Variants in TPCN2 observed in about 807,000 individuals in gnomAD.
The protein encoded by TPCN2 is two pore channel protein 2.
Under a neutral mutation model 111.4 loss-of-function variants are expected in TPCN2, and 92 were observed. The observed-to-expected ratio is 0.83, with a 90% CI of 0.70 to 0.98. The LOEUF (loss-of-function observed/expected upper bound fraction) is 0.98. Among genes scored for constraint, TPCN2 ranks in the 50% least tolerant of loss-of-function variants. The pLI is 0.00. For synonymous variants in TPCN2, 405 were observed against 414.5 expected (o/e 0.98, Z 0.28); for missense variants, 995 against 980.1 (o/e 1.02, Z -0.20).
intron 8 of TPCN2, among the ~76,000 whole-genome samples, chr11:69,069,827 G>C (rs1050284914): frequency 1.1e-4 from 16 of 141,636 alleles, no homozygotes; most frequent in Non-Finnish European, 3.1e-5. Flanking sequence ...ACTGCAGGGG[G>C]AGCAGGACTG....
chr11:69,070,827 CCACCAGCAGCTTCACCCCAGGGATCCCT>C (rs1855494314), intron 9 of TPCN2, among the ~76,000 whole-genome samples: 1 of 147,456 alleles, frequency 6.8e-6, no homozygotes, highest in Non-Finnish European at 1.5e-5. Context: ...CAGGGATCTC[CCACCAGCAGCTTCACCCCAGGGATCCCT>C]CACCAACAGC....
At chr11:69,084,168 A>G (rs1036579949) in intron 19 of TPCN2, 152 bp downstream of exon 19, 16 of 791,118 alleles carry the variant, frequency 2.0e-5, no homozygotes, top group East Asian at 1.6e-4. Context: ...AGGGAAGTAC[A>G]GGGTCGGGGT....
rs1856348852 is a variant in TPCN2, at chr11:69,087,896, G to A, written c.2202G>A (p.Gly734=). The change falls in exon 25 of 25, where the codon GGG becomes GGA. Residue 734 remains glycine, a synonymous_variant. Transcript: ENST00000294309. ...ACAGGGATATTCTGGAGGAGCCCGG[G>A]GAGGATGAGCTCACAGAGAGGCTGA... is the stretch of plus-strand genomic sequence containing the variant. ...LLFRDILEEP[G]EDELTERLSQ... 2 of 1,612,724 alleles carry A rather than the reference G, an allele frequency of 1.2e-6. No individual in the cohort carries two copies. The highest frequency in any genetic ancestry group is 1.3e-5 in the African/African-American group (1 of 75,030).
In TPCN2 at chr11:69,055,185, T is replaced by C; in HGVS notation, c.262T>C (p.Phe88Leu). The stretch of plus-strand genomic sequence containing the variant: ...CTGTCCCCTTTCCAGGACTTTGAGC[T>C]TCACCATCTTCTTGATCCTGTTTTT... ...YSNVCQRTLSFTIFLILFLAF... is the reference protein window; with the variant it reads ...YSNVCQRTLSLTIFLILFLAF... The change falls in exon 4 of 25, where the codon TTC (phenylalanine) becomes CTC (leucine). Residue 88 changes from phenylalanine (F) to leucine (L), a missense_variant. Physicochemically the swap from Phe to Leu is conservative, Grantham distance 22. Transcript: ENST00000294309. 6.2e-7 allele frequency: 1 copy of C among 1,614,084 alleles called. No homozygotes were observed. Among genetic ancestry groups the C allele is most frequent in the South Asian group, 1.1e-5 (1 of 91,066 alleles).
At chr11:69,054,342 T>C in intron 2 of TPCN2, 2 of 575,422 alleles carry the variant, frequency 3.5e-6, no homozygotes, top group South Asian at 4.1e-5. Context: ...CACCCCATTC[T>C]AGGTCCCGGG....
intron 7 of TPCN2, among the ~76,000 whole-genome samples, 181 bp from the exon 8 acceptor site, chr11:69,067,322 T>C (rs1855315714): frequency 6.6e-6 from 1 of 152,232 alleles, no homozygotes. Context: ...GTGCCCACTC[T>C]TGCGCCCGGA....
chr11:69,087,765 G>A (rs1551305), intron 24 of TPCN2, 110 bp from the exon 25 acceptor site: 346,630 of 780,160 alleles, frequency 0.44, 79,865 homozygotes, highest in Non-Finnish European at 0.49. Flanking sequence ...CTGTGTCCCT[G>A]TGACACTCAC....
In TPCN2 at chr11:69,071,341, T is replaced by C; in HGVS notation, c.896-15T>C. Reference sequence around the variant, plus strand: ...TACTGGTGGCGCCCCTGACCGTGGCTGTCTCCTCTTGAAGGAAGCCTGTTT... The same window carrying C: ...TACTGGTGGCGCCCCTGACCGTGGCCGTCTCCTCTTGAAGGAAGCCTGTTT... On this transcript the variant is annotated splice_polypyrimidine_tract_variant and intron_variant, in intron 9 of 24. Coordinates refer to ENST00000294309, the MANE Select transcript of TPCN2 (RefSeq NM_139075.4). 2 of 1,612,818 alleles carry C rather than the reference T, an allele frequency of 1.2e-6. No homozygotes were observed. The highest frequency in any genetic ancestry group is 1.7e-6 in the Non-Finnish European group (2 of 1,179,312).
At chr11:69,063,825 C>A (rs11228472) in intron 6 of TPCN2, 70 bp from the exon 7 acceptor site, 6 of 1,485,828 alleles carry the variant, frequency 4.0e-6, no homozygotes, top group African/African-American at 1.4e-5. Context: ...GTCACCGAGC[C>A]CTGCAGGCAG....
At chr11:69,055,957 G>A (rs898233781) in intron 4 of TPCN2, among the ~76,000 whole-genome samples, 1 of 152,266 alleles carries the variant, frequency 6.6e-6, no homozygotes, top group African/African-American at 2.4e-5. Context: ...GCTGCTGCAT[G>A]TTTGACTCTG....
chr11:69,058,183 C>A (rs4930646), intron 5 of TPCN2, among the ~76,000 whole-genome samples: 3 of 152,154 alleles, frequency 2.0e-5, no homozygotes, highest in Admixed American at 2.0e-4. Context: ...CTGGGCTTTG[C>A]GAGAATAGAG....
Position 69,067,602 on chromosome 11 carries a change from G to C in TPCN2, c.826G>C (p.Asp276His). The change falls in exon 8 of 25, where the codon GAT becomes CAT. Residue 276 changes from aspartate (D) to histidine (H), a missense_variant. By Grantham distance (81) the Asp-to-His change is moderately conservative. Coordinates refer to ENST00000294309, the MANE Select transcript of TPCN2 (RefSeq NM_139075.4). ...GCTGCTGACCACGGCCAACAACCCC[G>C]ATGGTGCGTGCAGGGCCAGGGAGGG... ...LVLLTTANNP[D>H]VMIPAYSKNR... The C allele has an allele frequency of 6.2e-7, 1 of 1,613,690 alleles. No individual in the cohort carries two copies. The highest frequency in any genetic ancestry group is 8.5e-7 in the Non-Finnish European group (1 of 1,179,952).
intron 3 of TPCN2, 60 bp downstream of exon 3, chr11:69,054,857 G>A (rs1274445770): frequency 6.4e-7 from 1 of 1,550,430 alleles, no homozygotes; most frequent in Non-Finnish European, 8.9e-7. Flanking sequence ...AGGGGAGGCT[G>A]GCCCCCACCT....
chr11:69,083,311 G>C (rs970672745), intron 18 of TPCN2: 1 of 153,798 alleles, frequency 6.5e-6, no homozygotes, highest in African/African-American at 2.4e-5. Flanking sequence ...GTGTGCACAC[G>C]TACATGCTGA....
chr11:69,057,551 C>G (rs1360964192), intron 4 of TPCN2, 27 bp from the exon 5 acceptor site: 26 of 1,601,074 alleles, frequency 1.6e-5, no homozygotes, highest in Non-Finnish European at 2.1e-5. Context: ...GGGCTACTTG[C>G]TGCTCACCCG....
chr11:69,080,818 T>G (rs560972349), intron 17 of TPCN2, among the ~76,000 whole-genome samples: 1 of 152,310 alleles, frequency 6.6e-6, no homozygotes, highest in Non-Finnish European at 1.5e-5. Flanking sequence ...CCGCTGCACT[T>G]TGTTCTGAGT....
At chr11:69,086,471 T>C (rs1337914029) in intron 22 of TPCN2, 52 bp from the exon 23 acceptor site, 13 of 1,489,918 alleles carry the variant, frequency 8.7e-6, no homozygotes, top group South Asian at 2.3e-5. Context: ...TTGTATCGAG[T>C]GCTCTTGCTT....
chr11:69,064,660 G>A (rs949457232), intron 7 of TPCN2, among the ~76,000 whole-genome samples: 1 of 152,224 alleles, frequency 6.6e-6, no homozygotes, highest in Non-Finnish European at 1.5e-5. Context: ...GCTTTGTTGT[G>A]GGAGTGGACA....
intron 1 of TPCN2, 126 bp from the exon 2 acceptor site, chr11:69,053,907 G>T (rs550654540): frequency 1.3e-6 from 1 of 772,008 alleles, no homozygotes. Flanking sequence ...CTGCCGGGTG[G>T]AGTCATCTCT....
Sources: gnomAD v4.1 joint callset for allele counts (sites outside exome capture counted in the v4.1 genomes callset) on GRCh38, gnomAD v4.1.1 for gene constraint, MANE v1.5 for transcripts, NCBI Gene and HGNC (gene_info 2026-07-23, HGNC 2026-07-21) for gene names.